CSMD1: variants seen among roughly 807,000 people sequenced by gnomAD.
The protein encoded by CSMD1 is CUB and Sushi multiple domains 1.
In CSMD1, 213 loss-of-function variants were observed where a neutral mutation model predicts 417.5. The observed-to-expected ratio is 0.51, with a 90% CI of 0.46 to 0.57. CSMD1 has a LOEUF of 0.57. Among genes scored for constraint, CSMD1 ranks in the 20% least tolerant of loss-of-function variants. The probability of loss-of-function intolerance (pLI) is 0.00; values close to 1 mark genes in which losing one functional copy is unlikely to be tolerated. For synonymous variants in CSMD1, 2,862 were observed against 1,736.8 expected (o/e 1.65, Z -16.11); for missense variants, 6,923 against 4,529.7 (o/e 1.53, Z -15.17).
chr8:4,444,031 ACTAT>A (rs1798635577), intron 2 of CSMD1, among the ~76,000 whole-genome samples: 2 of 152,128 alleles, frequency 1.3e-5, no homozygotes, highest in African/African-American at 4.8e-5. Context: ...GAAAACACAC[ACTAT>A]CTTTGAGAAG....
chr8:3,277,278 G>C (rs1183428354), intron 26 of CSMD1, among the ~76,000 whole-genome samples: 3 of 152,140 alleles, frequency 2.0e-5, no homozygotes, highest in East Asian at 3.9e-4. Context: ...AGAAGATAGG[G>C]GAGAGTTCTA....
intron 3 of CSMD1, among the ~76,000 whole-genome samples, chr8:4,162,335 G>A (rs1563206280): frequency 6.6e-6 from 1 of 152,236 alleles, no homozygotes; most frequent in African/African-American, 2.4e-5. Flanking sequence ...TACTACAAAA[G>A]AAAAGTGCTT....
At chr8:4,165,128 G>C (rs186012945) in intron 3 of CSMD1, among the ~76,000 whole-genome samples, 2 of 152,108 alleles carry the variant, frequency 1.3e-5, no homozygotes, top group Admixed American at 6.6e-5. Flanking sequence ...GTGCATGCAT[G>C]ACAGGTATCT....
At chr8:3,931,571 A>G (rs933613555) in intron 5 of CSMD1, among the ~76,000 whole-genome samples, 2 of 150,196 alleles carry the variant, frequency 1.3e-5, no homozygotes, top group Non-Finnish European at 1.5e-5. Flanking sequence ...GAGGTCAGGC[A>G]GCAGTCAGTG....
intron 12 of CSMD1, among the ~76,000 whole-genome samples, chr8:3,412,881 T>G (rs1174890904): frequency 6.6e-6 from 1 of 152,190 alleles, no homozygotes; most frequent in African/African-American, 2.4e-5. Flanking sequence ...GCTGCATGGT[T>G]TATAATAGAA....
chr8:3,996,399 T>C (rs1204458335), intron 5 of CSMD1, among the ~76,000 whole-genome samples: 4 of 152,156 alleles, frequency 2.6e-5, no homozygotes, highest in African/African-American at 7.2e-5. Context: ...AAATGATTAG[T>C]AGAGCATATG....
chr8:4,458,978 C>T (rs897750566), intron 2 of CSMD1, among the ~76,000 whole-genome samples: 1 of 152,196 alleles, frequency 6.6e-6, no homozygotes, highest in Admixed American at 6.5e-5. Context: ...CCAAGAACAT[C>T]TCAGTGAGGA....
At position 4,511,549 on chromosome 8, in the gene CSMD1, C is replaced by A. The variant is rs557773722; in HGVS notation, c.303-91484G>T. ...TCCACAAACTGAAAGATCAATTCTT[C>A]TTAGATCATTCAGAGAGGTGGGGGT... On this transcript the variant is annotated intron_variant, in intron 2 of 69. Coordinates refer to ENST00000635120, the MANE Select transcript of CSMD1 (RefSeq NM_033225.6). Among the ~76,000 whole-genome samples the A allele has an allele frequency of 2.6e-5, 4 of 152,286 alleles. No homozygotes were observed. In the East Asian group the frequency reaches 5.8e-4, roughly 22 times the overall value.
At chr8:4,858,042 A>C (rs1801906691) in intron 1 of CSMD1, among the ~76,000 whole-genome samples, 1 of 152,184 alleles carries the variant, frequency 6.6e-6, no homozygotes, top group Admixed American at 6.5e-5. Context: ...CGAATGCAGC[A>C]GCACATCAAA....
chr8:3,494,567 G>GATAC (rs1796283396), intron 10 of CSMD1, among the ~76,000 whole-genome samples: 1 of 109,198 alleles, frequency 9.2e-6, no homozygotes, highest in Non-Finnish European at 2.1e-5. Context: ...TAGATAGATA[G>GATAC]ATAGATAGAT....
intron 5 of CSMD1, among the ~76,000 whole-genome samples, chr8:3,781,079 T>C (rs1799153785): frequency 6.6e-6 from 1 of 152,228 alleles, no homozygotes; most frequent in Non-Finnish European, 1.5e-5. Flanking sequence ...AAGCCTGTTA[T>C]GATCATGGCA....
At chr8:3,882,509 G>T (rs992833028) in intron 5 of CSMD1, among the ~76,000 whole-genome samples, 1 of 152,142 alleles carries the variant, frequency 6.6e-6, no homozygotes, top group African/African-American at 2.4e-5. Flanking sequence ...TCTCTGCCTC[G>T]GTTGAGCACA....
chr8:3,052,730 A>G, intron 49 of CSMD1, 83 bp from the exon 50 acceptor site: 9 of 908,972 alleles, frequency 9.9e-6, no homozygotes, highest in Non-Finnish European at 1.4e-5. Context: ...ATTAATCATT[A>G]TTATTGACTC....
intron 1 of CSMD1, among the ~76,000 whole-genome samples, chr8:4,909,472 C>T (rs1185886511): frequency 6.6e-6 from 1 of 152,178 alleles, no homozygotes; most frequent in Non-Finnish European, 1.5e-5. Context: ...ACACCCTTCC[C>T]TGATAACCTT....
rs576608638 is a variant in CSMD1, at chr8:4,495,989, G to A, written c.303-75924C>T. Among the ~76,000 whole-genome samples the A allele has an allele frequency of 9.2e-5, 14 of 152,224 alleles. No homozygotes were observed. In the South Asian group the frequency reaches 2.9e-3, roughly 32 times the overall value. ...CAAAGTGCAAATAGTCTGGCCTTCA[G>A]CAACTGCGACTCGTGTAATTCCTAC... is the stretch of plus-strand genomic sequence containing the variant. On this transcript the variant is annotated intron_variant, in intron 2 of 69. Transcript: ENST00000635120.
At chr8:4,367,503 G>C (rs529884945) in intron 3 of CSMD1, among the ~76,000 whole-genome samples, 1 of 152,136 alleles carries the variant, frequency 6.6e-6, no homozygotes, top group Non-Finnish European at 1.5e-5. Flanking sequence ...GATACCTCCA[G>C]CTTTGTTCCT....
chr8:3,673,512 T>A (rs933773730), intron 7 of CSMD1, among the ~76,000 whole-genome samples: 1 of 152,198 alleles, frequency 6.6e-6, no homozygotes, highest in Admixed American at 6.6e-5. Context: ...TTCATAAACA[T>A]TTTACAGGAG....
At chr8:2,998,758 C>T (rs555370655) in intron 53 of CSMD1, among the ~76,000 whole-genome samples, 7 of 152,318 alleles carry the variant, frequency 4.6e-5, no homozygotes, top group Middle Eastern at 3.4e-3. Context: ...GTCAATATGT[C>T]ATGCCCCAGA....
intron 1 of CSMD1, among the ~76,000 whole-genome samples, chr8:4,702,873 TAA>T (rs1563175966): frequency 6.6e-6 from 1 of 152,120 alleles, no homozygotes. Context: ...GAAAATTATT[TAA>T]AAGTCTCTAA....
Sources: gnomAD v4.1 joint callset for allele counts (sites outside exome capture counted in the v4.1 genomes callset) on GRCh38, gnomAD v4.1.1 for gene constraint, MANE v1.5 for transcripts, NCBI Gene and HGNC (gene_info 2026-07-23, HGNC 2026-07-21) for gene names.